PTPN13: variants seen among roughly 807,000 people sequenced by gnomAD.
PTPN13 encodes tyrosine-protein phosphatase non-receptor type 13.
A neutral mutation model predicts 284.0 loss-of-function variants in PTPN13; 191 were observed. The ratio of observed to expected loss-of-function variants is 0.67; its 90% CI spans 0.60 to 0.76. PTPN13 has a LOEUF of 0.76. PTPN13 is among the 30% of genes least tolerant of loss of function. The probability of loss-of-function intolerance (pLI) is 0.00; values close to 1 mark genes in which losing one functional copy is unlikely to be tolerated. For missense variants in PTPN13, 2,797 were observed against 2,939.9 expected (o/e 0.95, Z 1.12); for synonymous variants, 986 against 1,022.3 (o/e 0.96, Z 0.68).
At chr4:86,654,793 C>A (rs1421178243) in intron 2 of PTPN13, among the ~76,000 whole-genome samples, 3 of 152,178 alleles carry the variant, frequency 2.0e-5, no homozygotes, top group South Asian at 2.1e-4. Flanking sequence ...TCCTGGATAT[C>A]CTTGTTAACT....
chr4:86,666,501 T>A (rs1727095884), intron 2 of PTPN13, among the ~76,000 whole-genome samples: 1 of 152,222 alleles, frequency 6.6e-6, no homozygotes, highest in African/African-American at 2.4e-5. Context: ...TGCAAATATT[T>A]CAATTAATTA....
rs1447258641 is a variant in PTPN13 at position 86,740,876 on chromosome 4, C to A, written c.2305-758C>A. The stretch of plus-strand genomic sequence containing the variant: ...CTCTCAAGTTGAAAGTTCCACAAAT[C>A]TCTAGGGAAAGGGCAAAATGCTGCC... On this transcript the variant is annotated intron_variant, in intron 15 of 47. Transcript: ENST00000411767. 5.9e-5 allele frequency among the ~76,000 whole-genome samples: 9 copies of A among 151,894 alleles called. No individual in the cohort carries two copies. The East Asian group carries it at 1.4e-3, about 23-fold the overall frequency.
Position 86,755,594 on chromosome 4 carries a change from G to C in PTPN13, c.3223+2529G>C, listed in dbSNP as rs76632896. On this transcript the variant is annotated intron_variant, in intron 20 of 47. Transcript: ENST00000411767. Reference sequence around the variant, plus strand: ...GGTTTGACTTTACAGTGGTGCAAAAGAAATAAGCACTCAGTAAAAATTGTA... The same window carrying C: ...GGTTTGACTTTACAGTGGTGCAAAACAAATAAGCACTCAGTAAAAATTGTA... Among the ~76,000 whole-genome samples, 734 of 152,090 alleles carry C rather than the reference G, an allele frequency of 4.8e-3. 2 individuals carry two copies. Among genetic ancestry groups the C allele is most frequent in the African/African-American group, 0.017 (691 of 41,540 alleles).
intron 1 of PTPN13, among the ~76,000 whole-genome samples, chr4:86,601,807 A>G (rs1314207191): frequency 6.6e-6 from 1 of 152,194 alleles, no homozygotes; most frequent in Non-Finnish European, 1.5e-5. Context: ...ATTTTTCTAG[A>G]TGAATCTGTA....
At chr4:86,667,721 C>T (rs1424753498) in intron 2 of PTPN13, among the ~76,000 whole-genome samples, 1 of 152,092 alleles carries the variant, frequency 6.6e-6, no homozygotes. Flanking sequence ...TACATTTTTG[C>T]CAGACACCCT....
intron 2 of PTPN13, among the ~76,000 whole-genome samples, chr4:86,671,429 C>T (rs1035634647): frequency 3.9e-5 from 6 of 152,070 alleles, no homozygotes; most frequent in African/African-American, 1.4e-4. Context: ...GAGTCTATAA[C>T]CAAGTTCACC....
intron 1 of PTPN13, among the ~76,000 whole-genome samples, chr4:86,634,153 AC>A (rs1722764000): frequency 6.6e-6 from 1 of 152,222 alleles, no homozygotes; most frequent in Non-Finnish European, 1.5e-5. Context: ...AGTTGAGTAA[AC>A]AAAGTCAACT....
intron 13 of PTPN13, 72 bp from the exon 14 acceptor site, chr4:86,734,665 A>C (rs890228610): frequency 7.9e-6 from 12 of 1,510,770 alleles, no homozygotes; most frequent in African/African-American, 1.4e-5. Context: ...TTAACCTTAC[A>C]TGCCTATAAT....
chr4:86,782,103 A>T, intron 36 of PTPN13, 98 bp from the exon 37 acceptor site: 1 of 810,776 alleles, frequency 1.2e-6, no homozygotes, highest in East Asian at 2.6e-5. Context: ...TAATAAAAAT[A>T]ACAACATCCC....
chr4:86,799,861 A>T (rs1236662632), intron 42 of PTPN13, among the ~76,000 whole-genome samples: 29 of 114,316 alleles, frequency 2.5e-4, no homozygotes, highest in Non-Finnish European at 4.0e-4. Context: ...TTTGAGACAG[A>T]GTCTCTCTCT....
chr4:86,797,750 G>A (rs973182197), intron 41 of PTPN13, among the ~76,000 whole-genome samples: 6 of 151,622 alleles, frequency 4.0e-5, no homozygotes, highest in Admixed American at 3.9e-4. Flanking sequence ...AATTTTTAAT[G>A]AGAAAATGAA....
chr4:86,735,296 C>G (rs149436722), intron 14 of PTPN13, among the ~76,000 whole-genome samples: 12 of 152,264 alleles, frequency 7.9e-5, no homozygotes, highest in Admixed American at 4.6e-4. Flanking sequence ...TAAGAGGAAG[C>G]AAGGGGCTAG....
Position 86,627,893 on chromosome 4 carries a change from A to G in PTPN13, c.-5-7359A>G, listed in dbSNP as rs112072308. ...ATCCATGTTGTCACATGTATCAGTA[A>G]TAATTTTTATTGCTGATTAGTATTC... is the stretch of plus-strand genomic sequence containing the variant. On this transcript the variant is annotated intron_variant, in intron 1 of 47. Coordinates refer to ENST00000411767, the MANE Select transcript of PTPN13 (RefSeq NM_080683.3). Among the ~76,000 whole-genome samples, 223 of 152,290 alleles carry G rather than the reference A, an allele frequency of 1.5e-3. 2 individuals carry two copies. The highest frequency in any genetic ancestry group is 4.8e-3 in the African/African-American group (201 of 41,576).
chr4:86,601,085 A>G (rs752311411), intron 1 of PTPN13, among the ~76,000 whole-genome samples: 6 of 152,162 alleles, frequency 3.9e-5, no homozygotes, highest in Non-Finnish European at 1.5e-5. Context: ...AGCTTAAAGC[A>G]ATGTATAACA....
At chr4:86,705,800 G>C (rs1358722184) in intron 7 of PTPN13, among the ~76,000 whole-genome samples, 1 of 151,514 alleles carries the variant, frequency 6.6e-6, no homozygotes, top group Non-Finnish European at 1.5e-5. Context: ...CAGAATATCA[G>C]TCTAAGGATT....
chr4:86,631,502 G>A (rs1002238552), intron 1 of PTPN13, among the ~76,000 whole-genome samples: 3 of 152,008 alleles, frequency 2.0e-5, no homozygotes, highest in Non-Finnish European at 4.4e-5. Flanking sequence ...GAATGAGGCA[G>A]TTTTAAAAAA....
At chr4:86,633,060 C>T (rs1057300144) in intron 1 of PTPN13, among the ~76,000 whole-genome samples, 1 of 152,126 alleles carries the variant, frequency 6.6e-6, no homozygotes, top group African/African-American at 2.4e-5. Flanking sequence ...CCTACCTTAG[C>T]CTCCCAAATT....
chr4:86,721,260 A>G (rs1244392877), intron 9 of PTPN13, among the ~76,000 whole-genome samples: 1 of 152,056 alleles, frequency 6.6e-6, no homozygotes, highest in African/African-American at 2.4e-5. Flanking sequence ...TGCAGATTCA[A>G]GGTCTTATTA....
intron 27 of PTPN13, 86 bp from the exon 28 acceptor site, chr4:86,767,731 A>T: frequency 9.3e-7 from 1 of 1,073,670 alleles, no homozygotes; most frequent in Non-Finnish European, 1.3e-6. Context: ...AAATGATTTT[A>T]TACCATTAAC....
Sources: gnomAD v4.1 joint callset for allele counts (sites outside exome capture counted in the v4.1 genomes callset) on GRCh38, gnomAD v4.1.1 for gene constraint, MANE v1.5 for transcripts, NCBI Gene and HGNC (gene_info 2026-07-23, HGNC 2026-07-21) for gene names.